The following PTPRE variants were observed in gnomAD, a reference collection of about 807,000 sequenced individuals.
PTPRE encodes the protein protein tyrosine phosphatase receptor type E.
PTPRE carries 51 observed loss-of-function variants against 102.0 expected under a neutral mutation model. That is an observed-to-expected ratio of 0.50 (90% CI 0.40 to 0.63). The LOEUF (loss-of-function observed/expected upper bound fraction) is 0.63, where lower values mean the gene tolerates loss of function less well. Ranked by LOEUF, PTPRE falls within the 30% of genes least tolerant of loss-of-function variation. The pLI is 0.00. For missense variants in PTPRE, 752 were observed against 915.1 expected, an observed-to-expected ratio of 0.82 and a Z score of 2.30; for synonymous variants, 345 against 348.2, an observed-to-expected ratio of 0.99 and a Z score of 0.10.
intron 6 of PTPRE, among the ~76,000 whole-genome samples, chr10:128,051,247 C>T (rs1049289038): frequency 6.6e-6 from 1 of 152,162 alleles, no homozygotes; most frequent in Admixed American, 6.5e-5. Context: ...GGGGGCCACT[C>T]CCAGGGAGGG....
At chr10:127,995,623 C>A (rs1401767812) in intron 2 of PTPRE, among the ~76,000 whole-genome samples, 2 of 152,084 alleles carry the variant, frequency 1.3e-5, no homozygotes, top group Non-Finnish European at 2.9e-5. Context: ...GTTTAAACAC[C>A]GATATGAAAA....
At chr10:127,984,150 C>T (rs1463566010) in intron 2 of PTPRE, among the ~76,000 whole-genome samples, 1 of 148,158 alleles carries the variant, frequency 6.7e-6, no homozygotes, top group African/African-American at 2.5e-5. Flanking sequence ...GGCGTGATCT[C>T]GGCTCACTGC....
chr10:128,071,660 G>A lies in PTPRE; in HGVS notation c.1388-478G>A, dbSNP rs537491039. 6 of 157,704 alleles carry A rather than the reference G, an allele frequency of 3.8e-5. No homozygotes were observed. The South Asian group carries it at 8.9e-4, about 23-fold the overall frequency. The allele number at this position is 157,704 out of a possible 1,614,324, so 9.8% of individuals were successfully genotyped here. A position where few individuals can be genotyped will look rare whatever the true frequency, so the allele number is the denominator to read the frequency against. On this transcript the variant is annotated intron_variant, in intron 15 of 20. Coordinates refer to ENST00000254667, the MANE Select transcript of PTPRE (RefSeq NM_006504.6). The stretch of plus-strand genomic sequence containing the variant: ...TGTGCCTCGTTATAGACTTGTCCTC[G>A]ACAGAGTCACAGCTCAACAAACACC...
chr10:128,070,432 G>A lies in PTPRE; in HGVS notation c.1275G>A (p.Gly425=). ...CCACCACCCACTTCGACAAGATCGG[G>A]CTGGAGGAGGAGTTCAGGGTGAGTA... ...HGTTTHFDKI[G]LEEEFRKLTN... The change falls in exon 14 of 21, where the codon GGG becomes GGA. Residue 425 remains glycine, a synonymous_variant. Transcript: ENST00000254667. This position sits in a 1 kb window ranked among gnomAD's most constrained non-coding sequence, Gnocchi z 4.8. 6.2e-7 allele frequency: 1 copy of A among 1,613,954 alleles called. No homozygotes were observed.
In PTPRE at chr10:127,968,516, G is replaced by A. The variant is rs562278394; in HGVS notation, c.-30-13758G>A. On this transcript the variant is annotated intron_variant, in intron 1 of 20. Transcript: ENST00000254667. ...GCAGTCAGCCAGAGCTCAGGGCAGGGGGCCTCCCCAGCCTCCATTCTGCAG... is the reference window on the plus strand; with the variant it reads ...GCAGTCAGCCAGAGCTCAGGGCAGGAGGCCTCCCCAGCCTCCATTCTGCAG... 4.6e-5 allele frequency among the ~76,000 whole-genome samples: 7 copies of A among 152,318 alleles called. No homozygotes were observed. In the South Asian group the frequency reaches 1.5e-3, roughly 32 times the overall value.
intron 2 of PTPRE, among the ~76,000 whole-genome samples, chr10:128,018,592 G>A (rs981495992): frequency 6.6e-6 from 1 of 152,148 alleles, no homozygotes; most frequent in African/African-American, 2.4e-5. Flanking sequence ...CAGAGGAGGG[G>A]GGCTGAGAGA....
intron 1 of PTPRE, among the ~76,000 whole-genome samples, chr10:127,920,696 G>A (rs911960634): frequency 9.9e-5 from 15 of 152,158 alleles, no homozygotes; most frequent in East Asian, 1.9e-4. Context: ...GTTGGGTTCC[G>A]TATCAGTCAG....
At position 127,907,168 on chromosome 10, in the gene PTPRE, C is replaced by T. The variant is rs1283886301; in HGVS notation, c.-172C>T. 7 of 756,254 alleles carry T rather than the reference C, an allele frequency of 9.3e-6. No individual in the cohort carries two copies. The East Asian group carries it at 3.9e-4, about 42-fold the overall frequency. The allele number at this position is 756,254 out of a possible 1,614,324, so 46.8% of individuals were successfully genotyped here. A position where few individuals can be genotyped will look rare whatever the true frequency, so the allele number is the denominator to read the frequency against. On this transcript the variant is annotated 5_prime_UTR_variant, in exon 1 of 21. Transcript: ENST00000254667. The surrounding 1 kb of genome is among the most constrained non-coding windows in gnomAD (Gnocchi z 4.8). ...AGCCGGCGCGAGCGGCTTCAGGAACCCACGGCCTCTGCGCGTCCCCGCGAC... is the reference window on the plus strand; with the variant it reads ...AGCCGGCGCGAGCGGCTTCAGGAACTCACGGCCTCTGCGCGTCCCCGCGAC...
In PTPRE at chr10:128,042,592, G is replaced by A. The variant is rs144582344; in HGVS notation, c.109+1602G>A. 5.8e-4 allele frequency among the ~76,000 whole-genome samples: 89 copies of A among 152,284 alleles called. 1 individual carries two copies. The highest frequency in any genetic ancestry group is 1.9e-3 in the African/African-American group (81 of 41,558). ...CGGGTTATAAGGCGCAGACGGGCTC[G>A]TTTGACCTAGAATTGTGGAGGGGAA... On this transcript the variant is annotated intron_variant, in intron 3 of 20. Coordinates refer to ENST00000254667, the MANE Select transcript of PTPRE (RefSeq NM_006504.6).
chr10:127,968,431 G>A (rs927750492), intron 1 of PTPRE, among the ~76,000 whole-genome samples: 4 of 152,184 alleles, frequency 2.6e-5, no homozygotes, highest in Non-Finnish European at 4.4e-5. Flanking sequence ...CAGGGTCTAC[G>A]CAACAAAAAG....
At chr10:127,912,391 A>G (rs1036857921) in intron 1 of PTPRE, among the ~76,000 whole-genome samples, 3 of 152,260 alleles carry the variant, frequency 2.0e-5, no homozygotes, top group Non-Finnish European at 4.4e-5. Context: ...TTTTAAAAAT[A>G]TCTTTCAAAT....
At chr10:127,918,877 C>A (rs544000738) in intron 1 of PTPRE, among the ~76,000 whole-genome samples, 42 of 152,294 alleles carry the variant, frequency 2.8e-4, no homozygotes, top group African/African-American at 1.0e-3. Context: ...ACTGGCCTGA[C>A]TGGGAAGTGC....
intron 12 of PTPRE, 90 bp downstream of exon 12, chr10:128,068,376 C>T: frequency 6.9e-7 from 1 of 1,441,482 alleles, no homozygotes; most frequent in Non-Finnish European, 9.4e-7. Context: ...GGACCAATAT[C>T]AGGGTGGGCA....
chr10:128,060,359 A>T (rs1358079501), intron 7 of PTPRE, among the ~76,000 whole-genome samples: 2 of 152,166 alleles, frequency 1.3e-5, no homozygotes, highest in Non-Finnish European at 2.9e-5. Flanking sequence ...AACAGGCTGG[A>T]TCTACCAGAC....
At chr10:128,053,669 C>T (rs1848721814) in intron 6 of PTPRE, among the ~76,000 whole-genome samples, 1 of 152,208 alleles carries the variant, frequency 6.6e-6, no homozygotes, top group Non-Finnish European at 1.5e-5. Context: ...CTGCAGCTGC[C>T]AGGAACACGC....
chr10:128,082,211 T>C lies in PTPRE; in HGVS notation c.2029-621T>C, dbSNP rs1289607701. On this transcript the variant is annotated intron_variant, in intron 20 of 20. Coordinates refer to ENST00000254667, the MANE Select transcript of PTPRE (RefSeq NM_006504.6). Reference sequence around the variant, plus strand: ...TTTCTCTTTCTTTTTTTTTTTTTTTTTTTTTTTTTTTTGAGACAGGGTCTC... The same window carrying C: ...TTTCTCTTTCTTTTTTTTTTTTTTTCTTTTTTTTTTTTGAGACAGGGTCTC... Among the ~76,000 whole-genome samples, 13 of 136,966 alleles carry C rather than the reference T, an allele frequency of 9.5e-5. 1 individual carries two copies. In the East Asian group the frequency reaches 1.7e-3, roughly 18 times the overall value. The allele number at this position is 136,966 out of a possible 152,430, so 89.9% of individuals were successfully genotyped here.
chr10:127,922,698 T>G (rs1222075633), intron 1 of PTPRE, among the ~76,000 whole-genome samples: 1 of 152,244 alleles, frequency 6.6e-6, no homozygotes. Flanking sequence ...TGTGTGTTCC[T>G]GCCACTCTGT....
In PTPRE at chr10:128,063,686, C is replaced by T. The variant is rs778602318; in HGVS notation, c.723+506C>T. Reference sequence around the variant, plus strand: ...GCATGTACGTTATAAGAATTTGAATCATTGACAAAGAAGAAAAGTTGAACT... The same window carrying T: ...GCATGTACGTTATAAGAATTTGAATTATTGACAAAGAAGAAAAGTTGAACT... On this transcript the variant is annotated intron_variant, in intron 10 of 20. Transcript: ENST00000254667. Among the ~76,000 whole-genome samples the T allele has an allele frequency of 2.2e-4, 33 of 152,328 alleles. No individual in the cohort carries two copies. In the Middle Eastern group the frequency reaches 0.01, roughly 47 times the overall value.
intron 1 of PTPRE, among the ~76,000 whole-genome samples, chr10:127,913,831 G>T (rs763870923): frequency 1.3e-5 from 2 of 152,134 alleles, no homozygotes; most frequent in Non-Finnish European, 2.9e-5. Context: ...TTTGATGTCC[G>T]ACCCTGGGAC....
Sources: allele counts gnomAD v4.1 joint callset (sites outside exome capture counted in the v4.1 genomes callset), GRCh38; gene constraint gnomAD v4.1.1; non-coding constraint Gnocchi (gnomAD v3.1); transcripts MANE v1.5; gene names NCBI Gene and HGNC (gene_info 2026-07-23, HGNC 2026-07-21).